Variants in CERS4 observed in about 807,000 individuals in gnomAD.
CERS4 encodes the protein ceramide synthase 4, also known as LAG1 homolog, ceramide synthase 4.
Under a neutral mutation model 51.8 loss-of-function variants are expected in CERS4, and 65 were observed. The ratio of observed to expected loss-of-function variants is 1.26; its 90% CI spans 1.03 to 1.54. The LOEUF is 1.54. Among genes scored for constraint, CERS4 ranks in the 40% most tolerant of loss-of-function variants. The pLI is 0.00. For synonymous variants in CERS4, 228 were observed against 208.4 expected (o/e 1.09, Z -0.81); for missense variants, 563 against 500.4 (o/e 1.13, Z -1.19).
chr19:8,246,535 A>G (rs1599566470), intron 2 of CERS4, among the ~76,000 whole-genome samples: 1 of 152,232 alleles, frequency 6.6e-6, no homozygotes, highest in East Asian at 1.9e-4. Context: ...CCTGGGTGAC[A>G]GAGTGAGACC....
chr19:8,211,903 A>T (rs962526513), intron 2 of CERS4, among the ~76,000 whole-genome samples: 1 of 151,602 alleles, frequency 6.6e-6, no homozygotes, highest in Non-Finnish European at 1.5e-5. Context: ...AAAAAAAAAA[A>T]AAAAAAAAAA....
In CERS4 at chr19:8,262,119, G is replaced by A. The variant is rs747191982; in HGVS notation, c.*10G>A. 3.4e-6 allele frequency: 5 copies of A among 1,451,506 alleles called. No individual in the cohort carries two copies. Among genetic ancestry groups the A allele is most frequent in the Non-Finnish European group, 4.5e-6 (5 of 1,104,696 alleles). The allele number at this position is 1,451,506 out of a possible 1,614,324, so 89.9% of individuals were successfully genotyped here. A position where few individuals can be genotyped will look rare whatever the true frequency, so the allele number is the denominator to read the frequency against. ...CACAACAGCCACATAGCCGGGCGGG[G>A]CTGGCTGTAAGGGGTTGCCCCCCCG... is the stretch of plus-strand genomic sequence containing the variant. On this transcript the variant is annotated 3_prime_UTR_variant, in exon 12 of 12. Coordinates refer to ENST00000251363, the MANE Select transcript of CERS4 (RefSeq NM_024552.3).
intron 2 of CERS4, among the ~76,000 whole-genome samples, chr19:8,213,587 C>T (rs1330723382): frequency 6.6e-6 from 1 of 152,162 alleles, no homozygotes. Context: ...GGATTATAGG[C>T]ATGAGCCACT....
At chr19:8,254,908 G>GCCCCT (rs1969298038) in intron 4 of CERS4, among the ~76,000 whole-genome samples, 1 of 152,038 alleles carries the variant, frequency 6.6e-6, no homozygotes, top group Admixed American at 6.6e-5. Flanking sequence ...GGGAGATGGG[G>GCCCCT]CCCCTCCCCT....
intron 2 of CERS4, among the ~76,000 whole-genome samples, chr19:8,247,589 T>C (rs1968844833): frequency 6.6e-6 from 1 of 152,100 alleles, no homozygotes; most frequent in South Asian, 2.1e-4. Context: ...CTGACTACTT[T>C]TTAAATTTTT....
rs35212733 is a variant in CERS4, at chr19:8,253,449, CTT to C, written c.174-1029_174-1028del. ...ACCCTACAGACAAAGGTCCAGCTGC[CTT>C]TTTTTTTTTTTTTTTTTTTTGGGGA... On this transcript the variant is annotated intron_variant, in intron 3 of 11. Transcript: ENST00000251363. 2.3e-3 allele frequency among the ~76,000 whole-genome samples: 171 copies of C among 74,062 alleles called. 1 individual carries two copies. The highest frequency in any genetic ancestry group is 2.9e-3 in the African/African-American group (59 of 20,172). 48.6% of individuals were successfully genotyped at this position (74,062 alleles called of 152,430 possible).
chr19:8,255,677 G>T lies in CERS4; in HGVS notation c.362G>T (p.Arg121Leu), dbSNP rs770832638. ...CAGACCCAGCGATGGTTCCGGAGACGCCGGAACCAGGATCGACCCCAGCTG... is the reference window on the plus strand; with the variant it reads ...CAGACCCAGCGATGGTTCCGGAGACTCCGGAACCAGGATCGACCCCAGCTG... ...LQQTQRWFRR[R>L]RNQDRPQLTK... Residue 121 changes from arginine (R) to leucine (L), a missense_variant, in exon 5 of 12, where the codon CGC becomes CTC. Transcript: ENST00000251363. 1 of 1,612,968 alleles carries T rather than the reference G, an allele frequency of 6.2e-7. No individual in the cohort carries two copies. The highest frequency in any genetic ancestry group is 8.5e-7 in the Non-Finnish European group (1 of 1,179,810).
intron 2 of CERS4, among the ~76,000 whole-genome samples, chr19:8,233,735 G>A (rs894036402): frequency 7.2e-5 from 11 of 152,020 alleles, no homozygotes; most frequent in East Asian, 3.9e-4. Flanking sequence ...TTGTGGGGCC[G>A]GGCGCGGTGG....
chr19:8,237,027 A>AAC (rs56998288), intron 2 of CERS4, among the ~76,000 whole-genome samples: 2 of 147,748 alleles, frequency 1.4e-5, no homozygotes, highest in Non-Finnish European at 3.0e-5. Flanking sequence ...AAAAAAAAAA[A>AAC]CGAAAAGGAG....
chr19:8,225,480 A>G (rs990442743), intron 2 of CERS4, among the ~76,000 whole-genome samples: 3 of 148,630 alleles, frequency 2.0e-5, no homozygotes, highest in Non-Finnish European at 4.4e-5. Context: ...GGAGTGCGCA[A>G]TGGAGCGATC....
At chr19:8,221,872 GTTTTTTTTTTTTT>G (rs71165297) in intron 2 of CERS4, among the ~76,000 whole-genome samples, 1 of 39,468 alleles carries the variant, frequency 2.5e-5, no homozygotes, top group Non-Finnish European at 4.7e-5. Flanking sequence ...ATTTTTTTAT[GTTTTTTTTTTTTT>G]TTTTTTTTTT....
intron 4 of CERS4, among the ~76,000 whole-genome samples, chr19:8,254,940 T>G (rs1969299899): frequency 6.6e-6 from 1 of 151,908 alleles, no homozygotes; most frequent in Admixed American, 6.6e-5. Context: ...TGAGCCTTAG[T>G]GGGCACAGTT....
At chr19:8,259,480 A>C (rs1238941963) in intron 10 of CERS4, among the ~76,000 whole-genome samples, 1 of 152,064 alleles carries the variant, frequency 6.6e-6, no homozygotes, top group East Asian at 1.9e-4. Context: ...GATGGGAGCC[A>C]TGGAGGTTAT....
In CERS4 at chr19:8,216,380, G is replaced by GAA. The variant is rs911060272; in HGVS notation, c.-2+5532_-2+5533dup. On this transcript the variant is annotated intron_variant, in intron 2 of 11. Coordinates refer to ENST00000251363, the MANE Select transcript of CERS4 (RefSeq NM_024552.3). ...GGCGACAGAGAGAGATTTTGTCTTG[G>GAA]AAAAAAAAAAAAAAAGAAAATTACA... 4.9e-3 allele frequency among the ~76,000 whole-genome samples: 620 copies of GAA among 127,794 alleles called. 4 individuals carry two copies. Among genetic ancestry groups the GAA allele is most frequent in the Non-Finnish European group, 7.4e-3 (440 of 59,314 alleles). 83.8% of individuals were successfully genotyped at this position (127,794 alleles called of 152,430 possible).
At chr19:8,230,914 A>G (rs1967980325) in intron 2 of CERS4, among the ~76,000 whole-genome samples, 1 of 152,120 alleles carries the variant, frequency 6.6e-6, no homozygotes, top group African/African-American at 2.4e-5. Flanking sequence ...ATCACAGCTC[A>G]CTGCAGCCTC....
chr19:8,226,343 G>A (rs1967787189), intron 2 of CERS4, among the ~76,000 whole-genome samples: 1 of 152,162 alleles, frequency 6.6e-6, no homozygotes, highest in African/African-American at 2.4e-5. Context: ...GGTGCCTTAG[G>A]ATAATCCTGG....
Position 8,220,147 on chromosome 19 carries a change from G to A in CERS4, c.-2+9285G>A, listed in dbSNP as rs538598747. ...CTCTCCTCGCCCCCTCCCACCCCTCGGCTGTGTGTCCCCTTATTCCTGCCC... is the reference window on the plus strand; with the variant it reads ...CTCTCCTCGCCCCCTCCCACCCCTCAGCTGTGTGTCCCCTTATTCCTGCCC... On this transcript the variant is annotated intron_variant, in intron 2 of 11. Coordinates refer to ENST00000251363, the MANE Select transcript of CERS4 (RefSeq NM_024552.3). 1.1e-4 allele frequency among the ~76,000 whole-genome samples: 17 copies of A among 148,366 alleles called. 1 individual carries two copies. Among genetic ancestry groups the A allele is most frequent in the African/African-American group, 4.0e-4 (16 of 39,606 alleles).
chr19:8,228,409 T>C (rs185605813), intron 2 of CERS4, among the ~76,000 whole-genome samples: 12 of 152,334 alleles, frequency 7.9e-5, no homozygotes, highest in Admixed American at 2.6e-4. Context: ...GCATGGTGGC[T>C]CACACCTATA....
intron 2 of CERS4, among the ~76,000 whole-genome samples, chr19:8,223,332 C>T (rs1192084568): frequency 2.6e-5 from 4 of 151,502 alleles, no homozygotes; most frequent in South Asian, 4.2e-4. Context: ...TTTAATTGGC[C>T]GGGCCGGGTG....
Sources: gnomAD v4.1 joint callset for allele counts (sites outside exome capture counted in the v4.1 genomes callset) on GRCh38, gnomAD v4.1.1 for gene constraint, MANE v1.5 for transcripts, NCBI Gene and HGNC (gene_info 2026-07-23, HGNC 2026-07-21) for gene names.